Variants in AUH observed in about 807,000 individuals in gnomAD.
The protein encoded by AUH is AU RNA binding methylglutaconyl-CoA hydratase.
AUH carries 29 observed loss-of-function variants against 42.3 expected under a neutral mutation model. The ratio of observed to expected loss-of-function variants is 0.69; its 90% CI spans 0.51 to 0.93. The LOEUF (loss-of-function observed/expected upper bound fraction) is 0.93, where lower values mean the gene tolerates loss of function less well. Among genes scored for constraint, AUH ranks in the 40% least tolerant of loss-of-function variants. The pLI, the probability that AUH is intolerant of heterozygous loss-of-function variation, is 0.00. For missense variants in AUH, 452 were observed against 438.1 expected, an observed-to-expected ratio of 1.03 and a Z score of -0.28; for synonymous variants, 174 against 166.4, an observed-to-expected ratio of 1.05 and a Z score of -0.35.
intron 3 of AUH, among the ~76,000 whole-genome samples, chr9:91,349,866 A>G (rs1831830161): frequency 6.6e-6 from 1 of 152,238 alleles, no homozygotes; most frequent in Non-Finnish European, 1.5e-5. Context: ...TATTTTTCTT[A>G]GTATTCTAAG....
intron 6 of AUH, among the ~76,000 whole-genome samples, chr9:91,230,819 G>A (rs143959282): frequency 1.3e-5 from 2 of 152,338 alleles, no homozygotes; most frequent in South Asian, 2.1e-4. Flanking sequence ...TGCAGTGTGA[G>A]GTATCAGTGT....
intron 3 of AUH, chr9:91,342,781 A>G (rs865915407): frequency 2.0e-5 from 3 of 152,198 alleles, no homozygotes; most frequent in Non-Finnish European, 4.4e-5. Context: ...AAATGAAAAC[A>G]TTAAAATTTA....
chr9:91,354,427 T>C (rs1832251245), intron 3 of AUH, among the ~76,000 whole-genome samples: 1 of 152,198 alleles, frequency 6.6e-6, no homozygotes, highest in South Asian at 2.1e-4. Flanking sequence ...GTTATTCTAA[T>C]AAACAGCATG....
chr9:91,310,634 A>G (rs1217835421), intron 4 of AUH, among the ~76,000 whole-genome samples: 2 of 152,270 alleles, frequency 1.3e-5, no homozygotes, highest in African/African-American at 4.8e-5. Context: ...TAAACTGTCT[A>G]TAACAAAATA....
intron 4 of AUH, among the ~76,000 whole-genome samples, chr9:91,304,860 T>A (rs991958471): frequency 1.3e-5 from 2 of 152,200 alleles, no homozygotes; most frequent in Non-Finnish European, 2.9e-5. Context: ...TTAAAACTTG[T>A]GCACCAAGTA....
chr9:91,286,629 G>C (rs1379119212), intron 6 of AUH, among the ~76,000 whole-genome samples: 1 of 150,940 alleles, frequency 6.6e-6, no homozygotes, highest in African/African-American at 2.4e-5. Context: ...TTTTAATGTT[G>C]TTGGCAAAAT....
intron 4 of AUH, among the ~76,000 whole-genome samples, chr9:91,314,889 T>C (rs1050227571): frequency 3.9e-5 from 6 of 152,222 alleles, no homozygotes; most frequent in African/African-American, 1.2e-4. Flanking sequence ...TTCTGGCCCA[T>C]CTACAGAGGA....
At chr9:91,215,783 A>C (rs1327404947) in intron 9 of AUH, among the ~76,000 whole-genome samples, 1 of 152,216 alleles carries the variant, frequency 6.6e-6, no homozygotes, top group Non-Finnish European at 1.5e-5. Context: ...CCCACAAAAG[A>C]AAGCATAAGC....
At chr9:91,222,861 A>T (rs1827210962) in intron 6 of AUH, among the ~76,000 whole-genome samples, 1 of 152,234 alleles carries the variant, frequency 6.6e-6, no homozygotes, top group Non-Finnish European at 1.5e-5. Context: ...GTCACAATTA[A>T]CAAATGTGAC....
rs191481129 is a variant in AUH, at chr9:91,314,297, G to A, written c.505+11021C>T. Among the ~76,000 whole-genome samples, 812 of 151,978 alleles carry A rather than the reference G, an allele frequency of 5.3e-3. 4 individuals are homozygous for A. Among genetic ancestry groups the A allele is most frequent in the Middle Eastern group, 0.02 (6 of 294 alleles). The stretch of plus-strand genomic sequence containing the variant: ...AGGCGGGAGGATCACTTGAGTCAAG[G>A]AGTTCGAAACCAGTCTGGGAAACAT... On this transcript the variant is annotated intron_variant, in intron 4 of 9. Transcript: ENST00000375731.
At chr9:91,314,307 C>T (rs769405313) in intron 4 of AUH, among the ~76,000 whole-genome samples, 4 of 151,730 alleles carry the variant, frequency 2.6e-5, no homozygotes, top group Non-Finnish European at 5.9e-5. Context: ...GAGTTCGAAA[C>T]CAGTCTGGGA....
chr9:91,347,431 G>A (rs917287700), intron 3 of AUH, among the ~76,000 whole-genome samples: 7 of 152,086 alleles, frequency 4.6e-5, no homozygotes, highest in Non-Finnish European at 1.0e-4. Context: ...CTAAATCACT[G>A]GCCACTGGTA....
chr9:91,332,726 T>TAC (rs1830420758), intron 3 of AUH, among the ~76,000 whole-genome samples: 1 of 152,096 alleles, frequency 6.6e-6, no homozygotes, highest in African/African-American at 2.4e-5. Flanking sequence ...TGGCTGAATA[T>TAC]ACATATTTAA....
chr9:91,237,415 T>C (rs566440522), intron 6 of AUH, among the ~76,000 whole-genome samples: 376 of 152,324 alleles, frequency 2.5e-3, no homozygotes, highest in Non-Finnish European at 3.6e-3. Context: ...AGTAAGAGGA[T>C]AAAAACACTC....
At chr9:91,225,685 C>A (rs903162179) in intron 6 of AUH, among the ~76,000 whole-genome samples, 12 of 148,474 alleles carry the variant, frequency 8.1e-5, no homozygotes, top group African/African-American at 1.5e-4. Flanking sequence ...ATATCTCCCA[C>A]TGCTATCCCT....
chr9:91,332,193 G>A (rs1023158012), intron 3 of AUH, among the ~76,000 whole-genome samples: 4 of 152,242 alleles, frequency 2.6e-5, no homozygotes, highest in African/African-American at 4.8e-5. Flanking sequence ...AAAATCATCC[G>A]CATTAAAACA....
chr9:91,332,968 A>G (rs567513504), intron 3 of AUH, among the ~76,000 whole-genome samples: 2 of 152,310 alleles, frequency 1.3e-5, no homozygotes, highest in African/African-American at 4.8e-5. Flanking sequence ...TCAGGAAAGA[A>G]CGCTGGTAAG....
chr9:91,313,076 G>T (rs1038588120), intron 4 of AUH, among the ~76,000 whole-genome samples: 4 of 152,098 alleles, frequency 2.6e-5, no homozygotes, highest in Non-Finnish European at 4.4e-5. Flanking sequence ...TTGCGGGGGG[G>T]GTTGTTTTTT....
intron 3 of AUH, among the ~76,000 whole-genome samples, chr9:91,351,004 G>A (rs569841328): frequency 1.3e-4 from 19 of 150,992 alleles, no homozygotes; most frequent in African/African-American, 4.1e-4. Context: ...ACAGGGTCTC[G>A]CTCTGTCACC....
Sources: allele counts gnomAD v4.1 joint callset (sites outside exome capture counted in the v4.1 genomes callset), GRCh38; gene constraint gnomAD v4.1.1; transcripts MANE v1.5; gene names NCBI Gene and HGNC (gene_info 2026-07-23, HGNC 2026-07-21).